AP4E1: variants seen among roughly 807,000 people sequenced by gnomAD.
AP4E1 encodes adaptor related protein complex 4 subunit epsilon 1.
Under a neutral mutation model 128.2 loss-of-function variants are expected in AP4E1, and 56 were observed. The observed-to-expected ratio is 0.44, with a 90% CI of 0.35 to 0.55. AP4E1 has a LOEUF of 0.55. Among genes scored for constraint, AP4E1 ranks in the 20% least tolerant of loss-of-function variants. The pLI is 0.00. For missense variants in AP4E1, 1,324 were observed against 1,307.7 expected (o/e 1.01, Z -0.19); for synonymous variants, 484 against 473.1 (o/e 1.02, Z -0.30).
At chr15:50,925,317 A>G in intron 5 of AP4E1, 98 bp downstream of exon 5, 1 of 1,295,546 alleles carries the variant, frequency 7.7e-7, no homozygotes, top group Non-Finnish European at 1.1e-6. Context: ...ACCAGGATAG[A>G]GATTATTTGA....
At chr15:50,938,128 G>C (rs2063932721) in intron 8 of AP4E1, among the ~76,000 whole-genome samples, 1 of 152,004 alleles carries the variant, frequency 6.6e-6, no homozygotes, top group Non-Finnish European at 1.5e-5. Context: ...AGTCAGGCTG[G>C]TTAGAGACCT....
chr15:50,912,421 T>C (rs2063576901), intron 2 of AP4E1, among the ~76,000 whole-genome samples: 1 of 152,206 alleles, frequency 6.6e-6, no homozygotes. Context: ...TGATCTGATG[T>C]TTTTAATGTT....
chr15:50,991,772 G>A (rs1427227712), intron 16 of AP4E1, among the ~76,000 whole-genome samples: 1 of 151,382 alleles, frequency 6.6e-6, no homozygotes, highest in Non-Finnish European at 1.5e-5. Flanking sequence ...TTTTGTTTTG[G>A]GCTCAAAATC....
intron 5 of AP4E1, among the ~76,000 whole-genome samples, chr15:50,927,614 C>T (rs1356768625): frequency 2.0e-5 from 3 of 151,014 alleles, no homozygotes; most frequent in African/African-American, 4.9e-5. Flanking sequence ...GGCTTGCATT[C>T]ACCACAGTAT....
intron 15 of AP4E1, among the ~76,000 whole-genome samples, chr15:50,972,998 A>G (rs1596495626): frequency 1.3e-5 from 2 of 152,258 alleles, no homozygotes; most frequent in Admixed American, 1.3e-4. Context: ...AATAAAGGAA[A>G]GAGTAACTTT....
In AP4E1 at chr15:51,003,098, G is replaced by A. The variant is rs373916835; in HGVS notation, c.*436G>A. 4 of 206,754 alleles carry A rather than the reference G, an allele frequency of 1.9e-5. No individual in the cohort carries two copies. In the East Asian group the frequency reaches 3.9e-4, roughly 20 times the overall value. The allele number at this position is 206,754 out of a possible 1,614,324, so 12.8% of individuals were successfully genotyped here. A position where few individuals can be genotyped will look rare whatever the true frequency, so the allele number is the denominator to read the frequency against. ...CTTAATTCATATTTGGCTTTGGAAT[G>A]TAGTGTATGGTTTTTGGTAGGGAAG... On this transcript the variant is annotated 3_prime_UTR_variant, in exon 21 of 21. Transcript: ENST00000261842.
At chr15:50,947,709 T>C (rs1232883287) in intron 10 of AP4E1, among the ~76,000 whole-genome samples, 1 of 152,246 alleles carries the variant, frequency 6.6e-6, no homozygotes, top group Non-Finnish European at 1.5e-5. Context: ...GTTATGTTTT[T>C]AGAAAATATA....
intron 18 of AP4E1, among the ~76,000 whole-genome samples, chr15:50,998,416 G>A (rs1236084039): frequency 2.0e-5 from 3 of 151,964 alleles, no homozygotes; most frequent in African/African-American, 7.3e-5. Flanking sequence ...TGGATCACGA[G>A]GTCAGGAGTT....
chr15:50,941,513 A>T lies in AP4E1; in HGVS notation c.1015A>T (p.Lys339Ter), dbSNP rs754938118. The T allele has an allele frequency of 6.2e-7, 1 of 1,613,334 alleles. No individual in the cohort carries two copies. The highest frequency in any genetic ancestry group is 8.5e-7 in the Non-Finnish European group (1 of 1,179,680). Residue 339 changes from lysine (K) to a stop codon, truncating the protein, a stop_gained, in exon 9 of 21, where the codon AAG becomes TAG. Coordinates refer to ENST00000261842, the MANE Select transcript of AP4E1 (RefSeq NM_007347.5). LOFTEE classifies it high-confidence loss of function. The part of the protein sequence containing the change: ...PKSELLEKAA[K>*]CIGKFVLSPK... ...ATCGGAATTACTTGAGAAGGCTGCC[A>T]AGTGCATTGGAAAATTTGTTCTGTC... is the stretch of plus-strand genomic sequence containing the variant.
chr15:50,949,182 G>A (rs1471330067), intron 11 of AP4E1, among the ~76,000 whole-genome samples: 1 of 151,708 alleles, frequency 6.6e-6, no homozygotes, highest in East Asian at 2.0e-4. Flanking sequence ...AGGCAGAGGT[G>A]GGAGGATTGC....
chr15:50,945,038 C>T (rs1444738813), intron 10 of AP4E1: 12 of 776,274 alleles, frequency 1.5e-5, no homozygotes, highest in Non-Finnish European at 2.1e-5. Flanking sequence ...CTTTTTTCAC[C>T]GTTGGTGGTG....
At chr15:50,943,757 C>T (rs1468221642) in intron 10 of AP4E1, among the ~76,000 whole-genome samples, 1 of 152,104 alleles carries the variant, frequency 6.6e-6, no homozygotes, top group Non-Finnish European at 1.5e-5. Context: ...TATATATTTT[C>T]AATCTGATAA....
intron 18 of AP4E1, among the ~76,000 whole-genome samples, chr15:50,998,828 T>G (rs2064917667): frequency 6.6e-6 from 1 of 152,232 alleles, no homozygotes; most frequent in African/African-American, 2.4e-5. Flanking sequence ...CCAGGACATT[T>G]ACAGTTTTAA....
At chr15:50,985,202 G>A (rs561508212) in intron 16 of AP4E1, among the ~76,000 whole-genome samples, 19 of 152,136 alleles carry the variant, frequency 1.2e-4, no homozygotes, top group Non-Finnish European at 2.4e-4. Flanking sequence ...GTAGATTCTG[G>A]ATATTAGCCC....
intron 13 of AP4E1, among the ~76,000 whole-genome samples, chr15:50,957,671 CTTTTTTTTTT>C (rs61656848): frequency 1.1e-5 from 1 of 88,006 alleles, no homozygotes; most frequent in African/African-American, 4.9e-5. Context: ...ACAAGCGTTT[CTTTTTTTTTT>C]TTTTTTTTTT....
intron 15 of AP4E1, among the ~76,000 whole-genome samples, chr15:50,972,812 T>C (rs2064499127): frequency 6.6e-6 from 1 of 152,158 alleles, no homozygotes. Context: ...ATGATGTGGG[T>C]GCAAGGCTGT....
chr15:50,988,879 G>A (rs531249080), intron 16 of AP4E1, among the ~76,000 whole-genome samples: 11 of 152,234 alleles, frequency 7.2e-5, no homozygotes, highest in Admixed American at 5.2e-4. Context: ...AAATTGGTGA[G>A]CATTTGCTAA....
At chr15:50,994,826 G>A (rs2064847833) in intron 17 of AP4E1, among the ~76,000 whole-genome samples, 1 of 152,154 alleles carries the variant, frequency 6.6e-6, no homozygotes, top group Non-Finnish European at 1.5e-5. Context: ...TTTTCCTTAG[G>A]AGAACATTCA....
At chr15:50,955,502 T>C (rs899811392) in intron 13 of AP4E1, among the ~76,000 whole-genome samples, 2 of 152,236 alleles carry the variant, frequency 1.3e-5, no homozygotes, top group African/African-American at 4.8e-5. Context: ...TGTTCAGTTC[T>C]TCTATATCCT....
Sources: allele counts gnomAD v4.1 joint callset (sites outside exome capture counted in the v4.1 genomes callset), GRCh38; gene constraint gnomAD v4.1.1; transcripts MANE v1.5; gene names NCBI Gene and HGNC (gene_info 2026-07-23, HGNC 2026-07-21).